The following COL11A1 variants were observed in gnomAD, a reference collection of about 807,000 sequenced individuals.
COL11A1 encodes the protein collagen type XI alpha 1 chain.
In COL11A1, 74 loss-of-function variants were observed where a neutral mutation model predicts 265.2. The observed-to-expected ratio is 0.28, with a 90% CI of 0.23 to 0.34. The LOEUF (loss-of-function observed/expected upper bound fraction) is 0.34, where lower values mean the gene tolerates loss of function less well. Ranked by LOEUF, COL11A1 falls within the 10% of genes least tolerant of loss-of-function variation. The pLI is 1.00. For synonymous variants in COL11A1, 816 were observed against 727.6 expected (o/e 1.12, Z -1.96); for missense variants, 2,165 against 2,263.6 (o/e 0.96, Z 0.88).
chr1:103,065,522 C>CAAA (rs138446065), intron 4 of COL11A1, among the ~76,000 whole-genome samples: 604 of 35,368 alleles, frequency 0.017, 59 homozygotes, highest in Middle Eastern at 0.045. Context: ...GACTCCGTCT[C>CAAA]AAAAAAAAAA....
intron 62 of COL11A1, among the ~76,000 whole-genome samples, 183 bp downstream of exon 62, chr1:102,888,394 G>A (rs1451248843): frequency 1.3e-5 from 2 of 152,252 alleles, no homozygotes; most frequent in Admixed American, 6.5e-5. Context: ...TATTTGAAGA[G>A]TGAAATCAAT....
At chr1:103,016,329 A>C (rs1666568251) in intron 11 of COL11A1, among the ~76,000 whole-genome samples, 1 of 151,984 alleles carries the variant, frequency 6.6e-6, no homozygotes, top group African/African-American at 2.4e-5. Context: ...ATGTTTACTG[A>C]TTAAATATAC....
chr1:103,023,054 G>C, intron 7 of COL11A1, 58 bp from the exon 8 acceptor site: 1 of 1,566,432 alleles, frequency 6.4e-7, no homozygotes, highest in Non-Finnish European at 8.7e-7. Flanking sequence ...AGTAAAGCAA[G>C]GTAAGCATTT....
At chr1:102,880,322 T>C (rs1387081607) in intron 65 of COL11A1, among the ~76,000 whole-genome samples, 2 of 152,218 alleles carry the variant, frequency 1.3e-5, no homozygotes, top group Non-Finnish European at 2.9e-5. Flanking sequence ...GCTGGTTTTA[T>C]GTTGTTTGAT....
At chr1:102,963,854 C>T (rs946213672) in intron 38 of COL11A1, among the ~76,000 whole-genome samples, 14 of 152,006 alleles carry the variant, frequency 9.2e-5, no homozygotes, top group African/African-American at 2.4e-4. Flanking sequence ...AATTGAACAG[C>T]GATCACCGAG....
Position 102,984,175 on chromosome 1 carries a change from G to C in COL11A1, c.2519C>G (p.Pro840Arg). Residue 840 changes from proline (P) to arginine (R), a missense_variant, in exon 31 of 67, where the codon CCA (proline) becomes CGA (arginine). Physicochemically the swap from Pro to Arg is moderately radical, Grantham distance 103. Transcript: ENST00000370096. ...TCTTCCTGGATATCCTGGTAATCCT[G>C]GAACTCCAAGTTTTCCCTACAGTTA... ...QAGEKGKLGVPGLPGYPGRQG... is the reference protein window; with the variant it reads ...QAGEKGKLGVRGLPGYPGRQG... The C allele has an allele frequency of 6.3e-7, 1 of 1,597,710 alleles. No homozygotes were observed.
At position 102,937,345 on chromosome 1, in the gene COL11A1, G is replaced by A. The variant is rs149979872; in HGVS notation, c.3438+1690C>T. 3.0e-3 allele frequency among the ~76,000 whole-genome samples: 458 copies of A among 151,652 alleles called. 1 individual carries two copies. The highest frequency in any genetic ancestry group is 0.011 in the African/African-American group (444 of 41,400). ...AACTTTTAAAAATGTGGCTTCTGTC[G>A]AGTGTATAAGGTAGTCTAATTAAAT... On this transcript the variant is annotated intron_variant, in intron 44 of 66. Coordinates refer to ENST00000370096, the MANE Select transcript of COL11A1 (RefSeq NM_001854.4).
intron 15 of COL11A1, 77 bp downstream of exon 15, chr1:103,008,386 A>G: frequency 8.4e-7 from 1 of 1,187,780 alleles, no homozygotes; most frequent in Non-Finnish European, 1.3e-6. Context: ...AAAATTAACT[A>G]TTGATGCATT....
intron 1 of COL11A1, among the ~76,000 whole-genome samples, chr1:103,087,781 A>T (rs1348701956): frequency 6.6e-6 from 1 of 152,182 alleles, no homozygotes; most frequent in Non-Finnish European, 1.5e-5. Flanking sequence ...AACCTCTATT[A>T]TAGCACCTTT....
chr1:103,096,839 T>C (rs894152818), intron 1 of COL11A1, among the ~76,000 whole-genome samples: 4 of 152,062 alleles, frequency 2.6e-5, no homozygotes, highest in African/African-American at 9.7e-5. Flanking sequence ...AAAGCTGATA[T>C]ACTTTGGTTA....
At chr1:103,092,574 T>G (rs564791495) in intron 1 of COL11A1, among the ~76,000 whole-genome samples, 2 of 152,134 alleles carry the variant, frequency 1.3e-5, no homozygotes, top group African/African-American at 4.8e-5. Flanking sequence ...TAAGATTAAG[T>G]GTAGTGCATT....
chr1:102,903,243 T>A (rs974377231), intron 54 of COL11A1, among the ~76,000 whole-genome samples: 2 of 152,198 alleles, frequency 1.3e-5, no homozygotes, highest in African/African-American at 4.8e-5. Flanking sequence ...GTACATGTAC[T>A]ATGAATGATA....
chr1:102,886,006 G>A (rs1368915757), intron 63 of COL11A1, among the ~76,000 whole-genome samples: 1 of 151,990 alleles, frequency 6.6e-6, no homozygotes, highest in African/African-American at 2.4e-5. Flanking sequence ...GAGTTACTTA[G>A]ATCACAGTTA....
intron 35 of COL11A1, among the ~76,000 whole-genome samples, chr1:102,975,923 T>C (rs1289591483): frequency 1.3e-5 from 2 of 152,114 alleles, no homozygotes; most frequent in African/African-American, 4.8e-5. Flanking sequence ...CAGCATCTTA[T>C]ATTTAAAAAG....
chr1:102,915,761 T>A, intron 49 of COL11A1, 77 bp from the exon 50 acceptor site: 1 of 1,128,822 alleles, frequency 8.9e-7, no homozygotes, highest in Non-Finnish European at 1.3e-6. Context: ...TGTTATCATA[T>A]CATTTTAGAT....
In COL11A1 at chr1:103,025,632, G is replaced by A. The variant is rs563751919; in HGVS notation, c.898-19C>T. 1.2e-6 allele frequency: 2 copies of A among 1,605,080 alleles called. No individual in the cohort carries two copies. Among genetic ancestry groups the A allele is most frequent in the African/African-American group, 1.3e-5 (1 of 74,792 alleles). ...TGTTTGCCTAATGGTAAATTCAGAA[G>A]AGAATTAGTAAACATGTAAGGTGAT... On this transcript the variant is annotated intron_variant, in intron 6 of 66. Transcript: ENST00000370096.
At chr1:103,049,770 C>T (rs528577224) in intron 4 of COL11A1, among the ~76,000 whole-genome samples, 3 of 152,284 alleles carry the variant, frequency 2.0e-5, no homozygotes, top group African/African-American at 4.8e-5. Flanking sequence ...GTGCTTCCTT[C>T]AGGAGCTCTT....
intron 41 of COL11A1, among the ~76,000 whole-genome samples, chr1:102,957,958 A>G (rs980785575): frequency 6.6e-6 from 1 of 152,026 alleles, no homozygotes; most frequent in Admixed American, 6.6e-5. Context: ...TCCCTTTTCT[A>G]TTTCCTTTAG....
intron 13 of COL11A1, among the ~76,000 whole-genome samples, chr1:103,013,387 A>T (rs1666289550): frequency 6.6e-6 from 1 of 151,908 alleles, no homozygotes; most frequent in South Asian, 2.1e-4. Context: ...GAGGACTAAT[A>T]AAGTGAGGAA....
Sources: gnomAD v4.1 joint callset for allele counts (sites outside exome capture counted in the v4.1 genomes callset) on GRCh38, gnomAD v4.1.1 for gene constraint, MANE v1.5 for transcripts, NCBI Gene and HGNC (gene_info 2026-07-23, HGNC 2026-07-21) for gene names.